Variants in AFAP1L2 observed in about 807,000 individuals in gnomAD.
AFAP1L2 encodes the protein actin filament-associated protein 1-like 2.
AFAP1L2 carries 46 observed loss-of-function variants against 99.3 expected under a neutral mutation model. The ratio of observed to expected loss-of-function variants is 0.46; its 90% CI spans 0.37 to 0.59. The LOEUF is 0.59. AFAP1L2 is among the 20% of genes least tolerant of loss of function. The pLI is 0.00. For missense variants in AFAP1L2, 959 were observed against 1,034.9 expected, an observed-to-expected ratio of 0.93 and a Z score of 1.01; for synonymous variants, 397 against 419.1, an observed-to-expected ratio of 0.95 and a Z score of 0.64.
intron 1 of AFAP1L2, among the ~76,000 whole-genome samples, chr10:114,386,327 G>C (rs1178791516): frequency 6.6e-6 from 1 of 152,144 alleles, no homozygotes; most frequent in Non-Finnish European, 1.5e-5. Flanking sequence ...CTTGAGCCCA[G>C]GATGTCAAGG....
intron 4 of AFAP1L2, among the ~76,000 whole-genome samples, chr10:114,326,875 T>C (rs961812327): frequency 1.3e-5 from 2 of 151,888 alleles, no homozygotes; most frequent in Non-Finnish European, 2.9e-5. Flanking sequence ...AAATAAAATG[T>C]AAAAATAAGA....
intron 1 of AFAP1L2, among the ~76,000 whole-genome samples, chr10:114,378,196 C>T (rs748104302): frequency 7.9e-5 from 12 of 152,172 alleles, no homozygotes; most frequent in East Asian, 1.9e-4. Context: ...AATTCTTTTC[C>T]GCTTCAATGC....
intron 1 of AFAP1L2, among the ~76,000 whole-genome samples, chr10:114,349,042 T>C (rs2050029417): frequency 6.6e-6 from 1 of 152,146 alleles, no homozygotes; most frequent in African/African-American, 2.4e-5. Context: ...AAAATACATT[T>C]TCTCCTAAAG....
At chr10:114,322,331 A>G (rs1321996622) in intron 5 of AFAP1L2, among the ~76,000 whole-genome samples, 2 of 152,050 alleles carry the variant, frequency 1.3e-5, no homozygotes, top group African/African-American at 4.8e-5. Context: ...AACTAGGCCA[A>G]AGTCATTCCT....
intron 1 of AFAP1L2, among the ~76,000 whole-genome samples, chr10:114,345,920 C>T (rs910224522): frequency 4.2e-5 from 6 of 142,370 alleles, no homozygotes; most frequent in Non-Finnish European, 9.1e-5. Context: ...AGCCGTGGTG[C>T]CTGCCCGATG....
At chr10:114,317,441 G>A (rs571424629) in intron 5 of AFAP1L2, among the ~76,000 whole-genome samples, 4 of 152,246 alleles carry the variant, frequency 2.6e-5, no homozygotes, top group East Asian at 1.9e-4. Context: ...AGGTGACAAC[G>A]TAAATTAACA....
Position 114,314,070 on chromosome 10 carries a change from A to G in AFAP1L2, c.613-20T>C, listed in dbSNP as rs541877501. 90 of 1,599,528 alleles carry G rather than the reference A, an allele frequency of 5.6e-5. No homozygotes were observed. Among genetic ancestry groups the G allele is most frequent in the East Asian group, 2.2e-5 (1 of 44,482 alleles). ...GTAGCACTGGAAGGAAAGAGAGAAG[A>G]TACACCACTTTGCCAGGGGTGCCGG... On this transcript the variant is annotated intron_variant, in intron 6 of 18. Coordinates refer to ENST00000304129, the MANE Select transcript of AFAP1L2 (RefSeq NM_001001936.3).
At chr10:114,286,159 G>C in the AFAP1L2 span, 30 of 1,614,000 alleles carry the variant, frequency 1.9e-5, no homozygotes, top group Non-Finnish European at 2.5e-5. Context: ...TGCCTGACCT[G>C]GTCTGGAGCC....
At chr10:114,340,873 AT>A (rs1158971900) in intron 1 of AFAP1L2, 142 bp from the exon 2 acceptor site, 3 of 1,174,012 alleles carry the variant, frequency 2.6e-6, no homozygotes, top group Non-Finnish European at 3.8e-6. Context: ...CTGGCAGCGT[AT>A]GGGGGGACTG....
intron 1 of AFAP1L2, among the ~76,000 whole-genome samples, chr10:114,376,604 G>T (rs564989136): frequency 1.6e-4 from 24 of 152,218 alleles, no homozygotes; most frequent in Non-Finnish European, 1.0e-4. Flanking sequence ...TACAATCACT[G>T]CTCCACTTGG....
chr10:114,313,071 G>A (rs951227676), intron 7 of AFAP1L2, among the ~76,000 whole-genome samples: 2 of 151,928 alleles, frequency 1.3e-5, no homozygotes, highest in Non-Finnish European at 1.5e-5. Flanking sequence ...GGTGGGGTGC[G>A]GGGTGGATAG....
At chr10:114,352,320 A>G (rs2050636371) in intron 1 of AFAP1L2, among the ~76,000 whole-genome samples, 3 of 151,778 alleles carry the variant, frequency 2.0e-5, no homozygotes, top group African/African-American at 7.3e-5. Flanking sequence ...TAAAAATACA[A>G]AAAATTAGCT....
intron 1 of AFAP1L2, among the ~76,000 whole-genome samples, chr10:114,403,978 C>A (rs557707015): frequency 1.3e-5 from 2 of 152,222 alleles, no homozygotes; most frequent in South Asian, 4.1e-4. Flanking sequence ...ACTGCCCAAG[C>A]GCTTTGCCGG....
chr10:114,307,234 C>T (rs1409077962), intron 10 of AFAP1L2, among the ~76,000 whole-genome samples: 3 of 152,100 alleles, frequency 2.0e-5, no homozygotes, highest in East Asian at 1.9e-4. Context: ...TTCATAGTCT[C>T]GGTTGTTCCC....
rs560483440 is a variant in AFAP1L2 at position 114,302,933 on chromosome 10, TC to T, written c.1285-450del. ...CCCATATACAACAAGACTTCCTGGA[TC>T]CCCAAGAAATAACAACATTCAAATT... On this transcript the variant is annotated intron_variant, in intron 11 of 18. Coordinates refer to ENST00000304129, the MANE Select transcript of AFAP1L2 (RefSeq NM_001001936.3). Among the ~76,000 whole-genome samples the T allele has an allele frequency of 2.2e-3, 330 of 152,332 alleles. 1 individual carries two copies. Among genetic ancestry groups the T allele is most frequent in the Non-Finnish European group, 3.6e-3 (243 of 68,026 alleles).
intron 16 of AFAP1L2, among the ~76,000 whole-genome samples, chr10:114,298,806 T>C (rs1046592653): frequency 1.1e-4 from 17 of 152,320 alleles, no homozygotes; most frequent in African/African-American, 4.1e-4. Flanking sequence ...AAGTTTTTGT[T>C]GACTTTCAAG....
intron 18 of AFAP1L2, chr10:114,296,391 T>G (rs963149423): frequency 5.7e-6 from 2 of 353,144 alleles, no homozygotes; most frequent in Non-Finnish European, 1.0e-5. Flanking sequence ...AGGATAGGAA[T>G]AAGGAGCAGA....
chr10:114,305,186 CAGA>C, intron 10 of AFAP1L2: 2 of 156,038 alleles, frequency 1.3e-5, no homozygotes, highest in Non-Finnish European at 1.1e-5. Flanking sequence ...GGAGGGGACG[CAGA>C]TGAAGGAGGG....
At chr10:114,334,503 G>A (rs1034579397) in intron 2 of AFAP1L2, among the ~76,000 whole-genome samples, 7 of 152,158 alleles carry the variant, frequency 4.6e-5, no homozygotes, top group South Asian at 4.1e-4. Flanking sequence ...ACCACAGACC[G>A]CCCAAACTCC....
Sources: gnomAD v4.1 joint callset for allele counts (sites outside exome capture counted in the v4.1 genomes callset) on GRCh38, gnomAD v4.1.1 for gene constraint, MANE v1.5 for transcripts, NCBI Gene and HGNC (gene_info 2026-07-23, HGNC 2026-07-21) for gene names.